Variants in INTS1 observed in about 807,000 individuals in gnomAD.
INTS1 encodes the protein integrator complex subunit 1.
A neutral mutation model predicts 241.6 loss-of-function variants in INTS1; 137 were observed. The observed-to-expected ratio is 0.57, with a 90% confidence interval of 0.49 to 0.65. The LOEUF (loss-of-function observed/expected upper bound fraction) is 0.65, where lower values mean the gene tolerates loss of function less well. Ranked by LOEUF, INTS1 falls within the 30% of genes least tolerant of loss-of-function variation. The pLI is 0.00. For missense variants in INTS1, 3,073 were observed against 3,032.2 expected (o/e 1.01, Z -0.32); for synonymous variants, 1,692 against 1,337.8 (o/e 1.26, Z -5.78).
Position 1,478,711 on chromosome 7 carries a change from C to CG in INTS1, c.4489+14dup. Reference sequence around the variant, plus strand: ...AGTGCCCCCCAGCCGTCTGCCAGCCCGGCGCGGTCCTCACCATCACTGAGC... The same window carrying CG: ...AGTGCCCCCCAGCCGTCTGCCAGCCCGGGCGCGGTCCTCACCATCACTGAGC... On this transcript the variant is annotated intron_variant, in intron 32 of 47. Transcript: ENST00000404767. 2 of 1,543,108 alleles carry CG rather than the reference C, an allele frequency of 1.3e-6. No individual in the cohort carries two copies. The highest frequency in any genetic ancestry group is 1.7e-6 in the Non-Finnish European group (2 of 1,142,914).
At position 1,493,275 on chromosome 7, in the gene INTS1, A is replaced by C. The variant is rs1204175501; in HGVS notation, c.2069-169T>G. ...GGGGGAAGCTTGGCTTCTCACTGGG[A>C]AACAGGGCACTTTGCTCTCGGGGAC... On this transcript the variant is annotated intron_variant, in intron 15 of 47. Coordinates refer to ENST00000404767, the MANE Select transcript of INTS1 (RefSeq NM_001080453.3). The surrounding 1 kb of genome is among the most constrained non-coding windows in gnomAD (Gnocchi z 5.3). 1.3e-5 allele frequency among the ~76,000 whole-genome samples: 2 copies of C among 151,806 alleles called. No individual in the cohort carries two copies. Among genetic ancestry groups the C allele is most frequent in the African/African-American group, 4.8e-5 (2 of 41,318 alleles).
chr7:1,470,780 C>T, intron 47 of INTS1, 66 bp downstream of exon 47: 1 of 1,481,964 alleles, frequency 6.7e-7, no homozygotes, highest in South Asian at 1.3e-5. Flanking sequence ...AGAGCCAGCC[C>T]TCGGGGGACG....
intron 4 of INTS1, 40 bp from the exon 5 acceptor site, chr7:1,500,061 C>A (rs1783086014): frequency 6.2e-7 from 1 of 1,604,986 alleles, no homozygotes; most frequent in South Asian, 1.1e-5. Context: ...GCTTCGCTGG[C>A]CCCAGAGGCA....
At chr7:1,480,221 C>T (rs772617301) in intron 30 of INTS1, 96 bp downstream of exon 30, 7 of 1,414,414 alleles carry the variant, frequency 4.9e-6, no homozygotes, top group East Asian at 2.5e-5. Context: ...CAGGCGGTCA[C>T]GCAAGTAAAG....
chr7:1,486,614 C>A lies in INTS1; in HGVS notation c.2976+11G>T. ...AAGAGCGTGCGCAGAAAGACCCGCCCACCACCTCACCTTCATGGCCAGCAC... is the reference window on the plus strand; with the variant it reads ...AAGAGCGTGCGCAGAAAGACCCGCCAACCACCTCACCTTCATGGCCAGCAC... On this transcript the variant is annotated intron_variant, in intron 22 of 47. Transcript: ENST00000404767. 1 of 1,609,738 alleles carries A rather than the reference C, an allele frequency of 6.2e-7. No homozygotes were observed.
intron 41 of INTS1, 134 bp downstream of exon 41, chr7:1,474,033 TC>T: frequency 9.6e-7 from 1 of 1,037,852 alleles, no homozygotes; most frequent in Non-Finnish European, 1.4e-6. Flanking sequence ...TGGGAGCTGG[TC>T]CCCAGGGCAG....
chr7:1,488,912 C>G (rs552632005), intron 18 of INTS1, among the ~76,000 whole-genome samples: 1 of 152,334 alleles, frequency 6.6e-6, no homozygotes, highest in Non-Finnish European at 1.5e-5. Context: ...GCTGATCCCA[C>G]GCAGGGTCAC....
In INTS1 at chr7:1,479,000, G is replaced by C. The variant is rs116880616; in HGVS notation, c.4330-115C>G. ...TGAGACCTGCCGCGACCGGCACTTGGAGCCTGGGCCAACCTCATCCCGCCT... is the reference window on the plus strand; with the variant it reads ...TGAGACCTGCCGCGACCGGCACTTGCAGCCTGGGCCAACCTCATCCCGCCT... On this transcript the variant is annotated intron_variant, in intron 31 of 47. Coordinates refer to ENST00000404767, the MANE Select transcript of INTS1 (RefSeq NM_001080453.3). 7,880 of 1,215,264 alleles carry C rather than the reference G, an allele frequency of 6.5e-3. 47 individuals carry two copies. Among genetic ancestry groups the C allele is most frequent in the Middle Eastern group, 0.017 (65 of 3,724 alleles). 75.3% of individuals were successfully genotyped at this position (1,215,264 alleles called of 1,614,324 possible). A position where few individuals can be genotyped will look rare whatever the true frequency, so the allele number is the denominator to read the frequency against.
chr7:1,487,573 C>T, intron 19 of INTS1, 124 bp from the exon 20 acceptor site: 1 of 1,339,928 alleles, frequency 7.5e-7, no homozygotes, highest in Non-Finnish European at 1.0e-6. Context: ...CCATCCTGAC[C>T]TGGGATGTCC....
Position 1,476,324 on chromosome 7 carries a change from C to T in INTS1, c.5283G>A (p.Arg1761=), listed in dbSNP as rs1442666847. 9 of 1,587,030 alleles carry T rather than the reference C, an allele frequency of 5.7e-6. No individual in the cohort carries two copies. Among genetic ancestry groups the T allele is most frequent in the Non-Finnish European group, 7.7e-6 (9 of 1,168,736 alleles). ...AGCAGCAGCTGAGCAGCAGGGGCAG[C>T]CGGGCCTGGATGAGGCTGCAGGCGG... The part of the protein sequence containing the change: ...DTAACSLIQA[R]LPLLLSCCCG... Residue 1761 remains arginine, a synonymous_variant, in exon 38 of 48, where the codon CGG becomes CGA. Coordinates refer to ENST00000404767, the MANE Select transcript of INTS1 (RefSeq NM_001080453.3).
chr7:1,503,689 C>T (rs979093308), intron 2 of INTS1, among the ~76,000 whole-genome samples: 28 of 152,204 alleles, frequency 1.8e-4, no homozygotes, highest in African/African-American at 6.5e-4. Context: ...ACGAGATCAC[C>T]GGGGTCCCGA....
At chr7:1,473,499 C>T in intron 42 of INTS1, 67 bp downstream of exon 42, 1 of 1,531,144 alleles carries the variant, frequency 6.5e-7, no homozygotes, top group Non-Finnish European at 8.8e-7. Flanking sequence ...TTCCCAGGAA[C>T]ACCCTCCAGA....
In INTS1 at chr7:1,503,154, T is replaced by C. The variant is rs1008556405; in HGVS notation, c.96A>G (p.Ser32=). 2.5e-5 allele frequency: 39 copies of C among 1,572,308 alleles called. No individual in the cohort carries two copies. The highest frequency in any genetic ancestry group is 3.3e-5 in the Non-Finnish European group (38 of 1,155,862). ...TTTTCGATTCATTGGCCTGACCCTT[T>C]GAGCCCAGAGCAATGAAGTCTCCTG... ...PPPGDFIALG[S]KGQANESKTA... is the part of the protein sequence containing the mutation. Residue 32 remains serine (S), a synonymous_variant, in exon 3 of 48, where the codon TCA becomes TCG. Transcript: ENST00000404767.
chr7:1,473,181 G>T lies in INTS1; in HGVS notation c.5961C>A (p.Asp1987Glu). The T allele has an allele frequency of 3.7e-6, 6 of 1,607,996 alleles. No individual in the cohort carries two copies. The highest frequency in any genetic ancestry group is 5.1e-6 in the Non-Finnish European group (6 of 1,176,378). ...CCAGGTCACTGTTGTCGAAGGACAG[G>T]TCGCTGGGGAGAGAAGATGCTTTCA... ...FLQKHADPLHDLSFDNSDLVM... is the reference protein window; with the variant it reads ...FLQKHADPLHELSFDNSDLVM... Residue 1987 changes from aspartate to glutamate, a missense_variant, in exon 43 of 48, where the codon GAC becomes GAA. Asp to Glu is a conservative substitution (Grantham distance 45, BLOSUM62 2). Coordinates refer to ENST00000404767, the MANE Select transcript of INTS1 (RefSeq NM_001080453.3).
intron 1 of INTS1, 64 bp from the exon 2 acceptor site, chr7:1,504,065 C>G: frequency 1.1e-6 from 1 of 876,750 alleles, no homozygotes; most frequent in Non-Finnish European, 1.7e-6. Context: ...CTCATTCGCT[C>G]CCTTGCCGCA....
rs1311095494 is a variant in INTS1, at chr7:1,498,423, G to A, written c.1414C>T (p.Leu472=). 1.2e-6 allele frequency: 2 copies of A among 1,613,840 alleles called. No homozygotes were observed. Among genetic ancestry groups the A allele is most frequent in the Non-Finnish European group, 1.7e-6 (2 of 1,179,862 alleles). Residue 472 remains leucine (L), a synonymous_variant, in exon 10 of 48, where the codon CTG becomes TTG. Coordinates refer to ENST00000404767, the MANE Select transcript of INTS1 (RefSeq NM_001080453.3). The part of the protein sequence containing the change: ...LYTALQHSSE[L]APKFLAMVFQ... ...GACCCTGGGCCTACCTTGGGCGCCA[G>A]CTCTGAGCTGTGCTGCAGTGCGGTA...
At chr7:1,498,946 C>CGG in intron 8 of INTS1, 29 bp downstream of exon 8, 3 of 1,194,104 alleles carry the variant, frequency 2.5e-6, no homozygotes, top group Non-Finnish European at 3.5e-6. Context: ...ACCCCCTGCC[C>CGG]CGCCCACCCC....
Position 1,471,223 on chromosome 7 carries a change from G to C in INTS1, c.6257C>G (p.Thr2086Ser), listed in dbSNP as rs1394906709. ...RRPEILSFFSTNLQRLMSSAE... is the reference protein window; with the variant it reads ...RRPEILSFFSSNLQRLMSSAE... ...CGAGCTCATCAGCCGCTGCAGGTTGGTCTGACCGGGGGAAAGGTGGGAGGT... is the reference window on the plus strand; with the variant it reads ...CGAGCTCATCAGCCGCTGCAGGTTGCTCTGACCGGGGGAAAGGTGGGAGGT... The change falls in exon 46 of 48, where the codon ACC (threonine) becomes AGC (serine). Residue 2086 changes from threonine to serine, a missense_variant and splice_region_variant. By Grantham distance (58) the Thr-to-Ser change is moderately conservative (BLOSUM62 1). Coordinates refer to ENST00000404767, the MANE Select transcript of INTS1 (RefSeq NM_001080453.3). 1 of 1,574,736 alleles carries C rather than the reference G, an allele frequency of 6.4e-7. No individual in the cohort carries two copies. The highest frequency in any genetic ancestry group is 2.3e-5 in the East Asian group (1 of 42,556).
Position 1,483,857 on chromosome 7 carries a change from TG to T in INTS1, c.3430-5del. ...AGACCTGGTCCTGAGACTCCGACTG[TG>T]GGAAAAGAGGTGGAGTCAGGCCGTA... is the stretch of plus-strand genomic sequence containing the variant. On this transcript the variant is annotated splice_polypyrimidine_tract_variant and splice_region_variant and intron_variant, in intron 25 of 47. Transcript: ENST00000404767. The T allele has an allele frequency of 1.2e-6, 2 of 1,606,440 alleles. No homozygotes were observed.
Sources: allele counts gnomAD v4.1 joint callset (sites outside exome capture counted in the v4.1 genomes callset), GRCh38; gene constraint gnomAD v4.1.1; non-coding constraint Gnocchi (gnomAD v3.1); transcripts MANE v1.5; gene names NCBI Gene and HGNC (gene_info 2026-07-23, HGNC 2026-07-21).